The following ADGRV1 variants were observed in gnomAD, a reference collection of about 807,000 sequenced individuals.
ADGRV1 encodes the protein G-protein coupled receptor 98.
Under a neutral mutation model 596.2 loss-of-function variants are expected in ADGRV1, and 359 were observed. The observed-to-expected ratio is 0.60, with a 90% CI of 0.55 to 0.66. The LOEUF (loss-of-function observed/expected upper bound fraction) is 0.66. Among genes scored for constraint, ADGRV1 ranks in the 30% least tolerant of loss-of-function variants. ADGRV1 has a pLI of 0.00. For synonymous variants in ADGRV1, 2,681 were observed against 2,679.2 expected (o/e 1.00, Z -0.02); for missense variants, 7,274 against 7,575.6 (o/e 0.96, Z 1.48).
chr5:90,595,086 C>T (rs1266584473), intron 1 of ADGRV1, among the ~76,000 whole-genome samples: 22 of 137,556 alleles, frequency 1.6e-4, no homozygotes, highest in East Asian at 8.4e-4. Flanking sequence ...CCTCACCTCC[C>T]GGACGGGGCA....
intron 82 of ADGRV1, among the ~76,000 whole-genome samples, chr5:90,862,650 G>A (rs1767719851): frequency 6.6e-6 from 1 of 152,234 alleles, no homozygotes. Context: ...ACACCCCATG[G>A]AAGCCTTCCC....
intron 83 of ADGRV1, among the ~76,000 whole-genome samples, chr5:90,923,667 A>G (rs1272434622): frequency 1.3e-5 from 2 of 152,102 alleles, no homozygotes; most frequent in Non-Finnish European, 2.9e-5. Context: ...TTTAGGGTAC[A>G]TGTGCACATC....
Position 91,072,494 on chromosome 5 carries a change from T to C in ADGRV1, c.18200T>C (p.Val6067Ala). ...GCTGCTTTGTTCACTGCAGCTCTTGTTCCTTTGACGTGCCTCGTGGTGGTG... is the reference window on the plus strand; with the variant it reads ...GCTGCTTTGTTCACTGCAGCTCTTGCTCCTTTGACGTGCCTCGTGGTGGTG... ...VYAALFTAALVPLTCLVVVFV... is the reference protein window; with the variant it reads ...VYAALFTAALAPLTCLVVVFV... The change falls in exon 86 of 90, where the codon GTT becomes GCT. Residue 6067 changes from valine to alanine, a missense_variant. Val to Ala is a moderately conservative substitution (Grantham distance 64). This residue lies in a region of ADGRV1 where 1,874 missense variants were observed against 1,970.2 expected (regional missense o/e 0.95). Transcript: ENST00000405460. The C allele has an allele frequency of 6.2e-7, 1 of 1,613,908 alleles. No individual in the cohort carries two copies. Among genetic ancestry groups the C allele is most frequent in the Non-Finnish European group, 8.5e-7 (1 of 1,179,786 alleles).
chr5:90,876,384 T>TA (rs1443245688), intron 83 of ADGRV1, among the ~76,000 whole-genome samples: 2 of 152,208 alleles, frequency 1.3e-5, no homozygotes, highest in Non-Finnish European at 2.9e-5. Context: ...ATATAAGCAT[T>TA]TACAATTATA....
chr5:91,081,478 A>G (rs1439355376), intron 86 of ADGRV1, among the ~76,000 whole-genome samples: 8 of 152,268 alleles, frequency 5.3e-5, no homozygotes, highest in African/African-American at 1.9e-4. Context: ...TCATTAGGCT[A>G]TAGAATAAAA....
chr5:90,938,483 A>C (rs1233119908), intron 83 of ADGRV1, among the ~76,000 whole-genome samples: 1 of 152,180 alleles, frequency 6.6e-6, no homozygotes, highest in Non-Finnish European at 1.5e-5. Flanking sequence ...TTTGAGTGCC[A>C]AAAGATATTA....
intron 87 of ADGRV1, among the ~76,000 whole-genome samples, chr5:91,112,334 T>G (rs945720345): frequency 1.1e-4 from 16 of 152,192 alleles, no homozygotes; most frequent in Non-Finnish European, 2.1e-4. Context: ...TCTTTTAGGT[T>G]TTTTTCCTGT....
chr5:90,610,813 C>G (rs1224204468), intron 1 of ADGRV1, among the ~76,000 whole-genome samples: 1 of 151,972 alleles, frequency 6.6e-6, no homozygotes, highest in African/African-American at 2.4e-5. Context: ...ACTGAAAACT[C>G]TAGGATAAAG....
At chr5:90,907,816 T>C (rs1403511474) in intron 83 of ADGRV1, among the ~76,000 whole-genome samples, 2 of 152,120 alleles carry the variant, frequency 1.3e-5, no homozygotes, top group African/African-American at 4.8e-5. Flanking sequence ...AGGTGTTCGA[T>C]GGTAGGCATA....
intron 71 of ADGRV1, chr5:90,805,025 T>G (rs1358842985): frequency 3.5e-6 from 1 of 284,128 alleles, no homozygotes; most frequent in Non-Finnish European, 6.5e-6. Flanking sequence ...ATAATTATGC[T>G]TATCTTTTTT....
intron 87 of ADGRV1, among the ~76,000 whole-genome samples, chr5:91,130,979 G>T (rs1459813720): frequency 6.6e-6 from 1 of 152,214 alleles, no homozygotes; most frequent in Admixed American, 6.5e-5. Flanking sequence ...ATAGTATTCC[G>T]TGGTATATAT....
At chr5:90,972,555 A>G (rs1184188642) in intron 84 of ADGRV1, among the ~76,000 whole-genome samples, 1 of 152,210 alleles carries the variant, frequency 6.6e-6, no homozygotes, top group African/African-American at 2.4e-5. Flanking sequence ...AACTCACTCA[A>G]AAGCGCTCAA....
chr5:90,841,245 A>C (rs1232216897), intron 78 of ADGRV1, among the ~76,000 whole-genome samples: 1 of 152,168 alleles, frequency 6.6e-6, no homozygotes, highest in East Asian at 1.9e-4. Context: ...GTGCATGAAA[A>C]AAAAGGCTCC....
chr5:91,147,339 G>T (rs553345650), intron 87 of ADGRV1, among the ~76,000 whole-genome samples: 2 of 152,176 alleles, frequency 1.3e-5, no homozygotes, highest in African/African-American at 4.8e-5. Flanking sequence ...AAGAATGCTT[G>T]TGGAAAATCA....
rs1561469420 is a variant in ADGRV1, at chr5:90,656,662, CT to C, written c.4379-1241del. On this transcript the variant is annotated intron_variant, in intron 20 of 89. Coordinates refer to ENST00000405460, the MANE Select transcript of ADGRV1 (RefSeq NM_032119.4). ...TGTCATGACAGTAACATGCCAGATACTTGTGACTACCCTGAAAGACATCTGG... is the reference window on the plus strand; with the variant it reads ...TGTCATGACAGTAACATGCCAGATACTGTGACTACCCTGAAAGACATCTGG... Among the ~76,000 whole-genome samples the C allele has an allele frequency of 2.6e-5, 4 of 152,254 alleles. No homozygotes were observed. In the South Asian group the frequency reaches 6.2e-4, roughly 24 times the overall value.
At chr5:90,710,623 C>A (rs1162215247) in intron 39 of ADGRV1, among the ~76,000 whole-genome samples, 1 of 151,910 alleles carries the variant, frequency 6.6e-6, no homozygotes, top group East Asian at 1.9e-4. Flanking sequence ...TCTACTCCTT[C>A]CAACTGTCCC....
At position 90,675,287 on chromosome 5, in the gene ADGRV1, G is replaced by A. The variant is rs777001637; in HGVS notation, c.5155G>A (p.Ala1719Thr). Reference protein sequence around the residue: ...STGLPPQPKDAMTLPASSVPH... With the variant: ...STGLPPQPKDTMTLPASSVPH... ...AGGGCTGCCTCCTCAGCCTAAGGAC[G>A]CAATGACCCTGCCTGCAAGCAGCGT... is the stretch of plus-strand genomic sequence containing the variant. Residue 1719 changes from alanine to threonine, a missense_variant, in exon 24 of 90, where the codon GCA becomes ACA. Coordinates refer to ENST00000405460, the MANE Select transcript of ADGRV1 (RefSeq NM_032119.4). 1.6e-5 allele frequency: 26 copies of A among 1,613,604 alleles called. No homozygotes were observed. Among genetic ancestry groups the A allele is most frequent in the African/African-American group, 2.7e-5 (2 of 74,916 alleles).
chr5:90,864,224 A>G (rs184276144), intron 83 of ADGRV1, among the ~76,000 whole-genome samples: 10 of 152,304 alleles, frequency 6.6e-5, no homozygotes, highest in Admixed American at 3.9e-4. Context: ...TAGGGCATTA[A>G]GATGATATAA....
chr5:90,760,357 A>G (rs16869094), intron 58 of ADGRV1, among the ~76,000 whole-genome samples: 11,268 of 151,880 alleles, frequency 0.074, 696 homozygotes, highest in East Asian at 0.34. Flanking sequence ...TGAGTGGTCT[A>G]TTGAATTAAG....
Sources: allele counts gnomAD v4.1 joint callset (sites outside exome capture counted in the v4.1 genomes callset), GRCh38; gene constraint gnomAD v4.1.1; regional missense constraint gnomAD v4.1.1; transcripts MANE v1.5; gene names NCBI Gene and HGNC (gene_info 2026-07-23, HGNC 2026-07-21).